Variants in SEMA6D observed in about 807,000 individuals in gnomAD.
SEMA6D encodes semaphorin 6D, also known as semaphorin-6D.
Under a neutral mutation model 106.6 loss-of-function variants are expected in SEMA6D, and 35 were observed. That is an observed-to-expected ratio of 0.33 (90% CI 0.25 to 0.44). The LOEUF (loss-of-function observed/expected upper bound fraction) is 0.44, where lower values mean the gene tolerates loss of function less well. Among genes scored for constraint, SEMA6D ranks in the 20% least tolerant of loss-of-function variants. The pLI, the probability that SEMA6D is intolerant of heterozygous loss-of-function variation, is 1.00. For missense variants in SEMA6D, 1,185 were observed against 1,345.9 expected (o/e 0.88, Z 1.87); for synonymous variants, 499 against 487.7 (o/e 1.02, Z -0.31).
At chr15:47,552,187 C>T (rs550989494) in intron 3 of SEMA6D, among the ~76,000 whole-genome samples, 5 of 152,170 alleles carry the variant, frequency 3.3e-5, no homozygotes, top group African/African-American at 9.6e-5. Flanking sequence ...AGTTGTTAAA[C>T]TGGTGGTTCT....
At chr15:47,241,750 C>T (rs908449821) in intron 1 of SEMA6D, among the ~76,000 whole-genome samples, 1 of 151,824 alleles carries the variant, frequency 6.6e-6, no homozygotes, top group Non-Finnish European at 1.5e-5. Context: ...ACACTGCTTG[C>T]CAAATATGTG....
chr15:47,349,702 A>G (rs649483), intron 1 of SEMA6D, among the ~76,000 whole-genome samples: 71,040 of 152,090 alleles, frequency 0.47, 19,714 homozygotes, highest in South Asian at 0.61. Flanking sequence ...ATAAAAAAAT[A>G]TGGATCTAGA....
At chr15:47,614,235 A>G (rs1013642094) in intron 4 of SEMA6D, among the ~76,000 whole-genome samples, 10 of 152,174 alleles carry the variant, frequency 6.6e-5, no homozygotes, top group Admixed American at 1.3e-4. Context: ...TGCGTGCCCA[A>G]ACCACTTCCC....
chr15:47,395,498 ATT>A (rs1277918797), intron 1 of SEMA6D: 3 of 152,210 alleles, frequency 2.0e-5, no homozygotes, highest in Admixed American at 1.3e-4. Flanking sequence ...TTCGTTAATT[ATT>A]GAGTGGTGTA....
chr15:47,377,669 G>A (rs2039495877), intron 1 of SEMA6D, among the ~76,000 whole-genome samples: 1 of 152,198 alleles, frequency 6.6e-6, no homozygotes. Context: ...GCAAGGAGTG[G>A]CTGAGTCAGA....
intron 1 of SEMA6D, among the ~76,000 whole-genome samples, chr15:47,348,400 A>G (rs573050237): frequency 6.6e-6 from 1 of 152,222 alleles, no homozygotes; most frequent in South Asian, 2.1e-4. Flanking sequence ...TCAGAACAGA[A>G]CCATACACAC....
chr15:47,472,326 T>G (rs923195726), intron 3 of SEMA6D, among the ~76,000 whole-genome samples: 1 of 152,210 alleles, frequency 6.6e-6, no homozygotes, highest in East Asian at 1.9e-4. Context: ...CATGTCTTGC[T>G]TAAGTCACTT....
In SEMA6D at chr15:47,276,137, G is replaced by T. The variant is rs187698475; in HGVS notation, c.-239+91719G>T. On this transcript the variant is annotated intron_variant, in intron 1 of 19. Transcript: ENST00000558014. ...AAAAGTTTGAAGCTAGCACAGGTTG[G>T]CTCATGAGTATTAAAGAACCTCTGT... Among the ~76,000 whole-genome samples, 4 of 152,202 alleles carry T rather than the reference G, an allele frequency of 2.6e-5. No homozygotes were observed. The East Asian group carries it at 7.7e-4, about 29-fold the overall frequency.
At chr15:47,561,600 T>A (rs2046082447) in intron 3 of SEMA6D, among the ~76,000 whole-genome samples, 1 of 151,486 alleles carries the variant, frequency 6.6e-6, no homozygotes, top group African/African-American at 2.4e-5. Context: ...ATATATAGGA[T>A]ATTTTAAATA....
intron 2 of SEMA6D, among the ~76,000 whole-genome samples, chr15:47,468,517 T>G (rs769042114): frequency 2.6e-5 from 4 of 152,060 alleles, no homozygotes; most frequent in Non-Finnish European, 5.9e-5. Context: ...GTGGCTAACC[T>G]CAGAAGAGGC....
intron 1 of SEMA6D, among the ~76,000 whole-genome samples, chr15:47,206,567 C>T (rs936928470): frequency 2.0e-5 from 3 of 152,112 alleles, no homozygotes; most frequent in Non-Finnish European, 4.4e-5. Context: ...CCTGCAGCGT[C>T]GCATTTGCAC....
At chr15:47,498,711 AG>A (rs1208156676) in intron 3 of SEMA6D, among the ~76,000 whole-genome samples, 1 of 152,110 alleles carries the variant, frequency 6.6e-6, no homozygotes, top group Non-Finnish European at 1.5e-5. Context: ...TTTACCTTGG[AG>A]GGGCGCTGGA....
At chr15:47,570,355 G>T (rs1347083942) in intron 3 of SEMA6D, among the ~76,000 whole-genome samples, 2 of 152,160 alleles carry the variant, frequency 1.3e-5, no homozygotes, top group Non-Finnish European at 2.9e-5. Context: ...GAAGCTTTTT[G>T]TTGTAAATCT....
At chr15:47,323,118 G>A (rs2036989493) in intron 1 of SEMA6D, among the ~76,000 whole-genome samples, 1 of 152,050 alleles carries the variant, frequency 6.6e-6, no homozygotes, top group South Asian at 2.1e-4. Flanking sequence ...GTCTATGTAA[G>A]TGTTGTGGCT....
chr15:47,512,755 C>G (rs2044271191), intron 3 of SEMA6D, among the ~76,000 whole-genome samples: 1 of 152,194 alleles, frequency 6.6e-6, no homozygotes, highest in Non-Finnish European at 1.5e-5. Flanking sequence ...CAGAAGCTCA[C>G]TTGTAGAACT....
At chr15:47,231,815 C>T (rs529777212) in intron 1 of SEMA6D, among the ~76,000 whole-genome samples, 8 of 152,022 alleles carry the variant, frequency 5.3e-5, no homozygotes, top group Admixed American at 3.3e-4. Flanking sequence ...TTATAAACTC[C>T]CTTTGAAAAT....
intron 1 of SEMA6D, among the ~76,000 whole-genome samples, chr15:47,403,299 G>A (rs775047085): frequency 3.3e-5 from 5 of 152,154 alleles, no homozygotes; most frequent in Non-Finnish European, 7.3e-5. Context: ...CGGAAAAAGT[G>A]CAAAAGTGAG....
intron 2 of SEMA6D, among the ~76,000 whole-genome samples, chr15:47,423,023 T>C (rs543292976): frequency 5.3e-5 from 8 of 152,164 alleles, no homozygotes; most frequent in African/African-American, 1.9e-4. Flanking sequence ...TTAACAAAGA[T>C]ATATAACTGA....
chr15:47,262,793 A>G (rs772093403), intron 1 of SEMA6D, among the ~76,000 whole-genome samples: 1 of 152,182 alleles, frequency 6.6e-6, no homozygotes, highest in Non-Finnish European at 1.5e-5. Flanking sequence ...CCTGACTTCA[A>G]ACTATGCTAC....
Sources: allele counts gnomAD v4.1 joint callset (sites outside exome capture counted in the v4.1 genomes callset), GRCh38; gene constraint gnomAD v4.1.1; transcripts MANE v1.5; gene names NCBI Gene and HGNC (gene_info 2026-07-23, HGNC 2026-07-21).